LRRC40: variants seen among roughly 807,000 people sequenced by gnomAD.
LRRC40 encodes leucine-rich repeat-containing protein 40.
LRRC40 carries 76 observed loss-of-function variants against 72.8 expected under a neutral mutation model. That is an observed-to-expected ratio of 1.04 (90% CI 0.87 to 1.26). LRRC40 has a LOEUF of 1.26. LRRC40 is among the 50% of genes most tolerant of loss of function. The pLI is 0.00. For missense variants in LRRC40, 684 were observed against 698.9 expected (o/e 0.98, Z 0.24); for synonymous variants, 243 against 254.2 (o/e 0.96, Z 0.42).
chr1:70,173,960 T>G (rs777754946), intron 7 of LRRC40, among the ~76,000 whole-genome samples: 2 of 152,128 alleles, frequency 1.3e-5, no homozygotes, highest in East Asian at 3.9e-4. Context: ...TTTGTTAAAT[T>G]ATAACATTTG....
intron 4 of LRRC40, among the ~76,000 whole-genome samples, chr1:70,182,411 A>G (rs1271354188): frequency 6.6e-6 from 1 of 152,066 alleles, no homozygotes; most frequent in African/African-American, 2.4e-5. Flanking sequence ...TCCTGTGGTT[A>G]TATCAATATT....
chr1:70,185,070 A>C (rs1273239763), intron 3 of LRRC40, among the ~76,000 whole-genome samples, 156 bp from the exon 4 acceptor site: 1 of 152,242 alleles, frequency 6.6e-6, no homozygotes, highest in Non-Finnish European at 1.5e-5. Context: ...AAAAATATGT[A>C]CTCATTAAAA....
intron 1 of LRRC40, among the ~76,000 whole-genome samples, chr1:70,204,126 C>T (rs752157770): frequency 6.6e-6 from 1 of 152,170 alleles, no homozygotes; most frequent in Non-Finnish European, 1.5e-5. Flanking sequence ...GACGAAACCA[C>T]CTGAGTCTAG....
chr1:70,165,152 C>G (rs1667854821), intron 9 of LRRC40, among the ~76,000 whole-genome samples: 1 of 152,106 alleles, frequency 6.6e-6, no homozygotes. Context: ...GATTTAAGTA[C>G]TCTAGAAAAA....
chr1:70,152,255 T>C (rs757738879), intron 12 of LRRC40, among the ~76,000 whole-genome samples, 178 bp downstream of exon 12: 5 of 152,186 alleles, frequency 3.3e-5, no homozygotes, highest in Non-Finnish European at 7.4e-5. Context: ...GTATTTTTCC[T>C]GAATTCTGTC....
At chr1:70,183,122 A>G (rs1668281665) in intron 4 of LRRC40, among the ~76,000 whole-genome samples, 1 of 152,176 alleles carries the variant, frequency 6.6e-6, no homozygotes, top group East Asian at 1.9e-4. Flanking sequence ...GGAATGGTTG[A>G]GAAGAGTATA....
chr1:70,189,542 A>G (rs577317081), intron 1 of LRRC40, among the ~76,000 whole-genome samples: 1 of 152,334 alleles, frequency 6.6e-6, no homozygotes, highest in East Asian at 1.9e-4. Flanking sequence ...GTTTACATAC[A>G]CTGATTAGCA....
Position 70,145,629 on chromosome 1 carries a change from T to C in LRRC40, c.*171A>G, listed in dbSNP as rs1042721254. On this transcript the variant is annotated 3_prime_UTR_variant, in exon 15 of 15. Coordinates refer to ENST00000370952, the MANE Select transcript of LRRC40 (RefSeq NM_017768.5). ...TAAATAAAAATGTAAAAATATTTAC[T>C]GGCAGTGAATATGGCCCAGGCTAAT... is the stretch of plus-strand genomic sequence containing the variant. 1.4e-5 allele frequency: 6 copies of C among 425,192 alleles called. No individual in the cohort carries two copies. In the East Asian group the frequency reaches 2.1e-4, roughly 15 times the overall value. The allele number at this position is 425,192 out of a possible 1,614,324, so 26.3% of individuals were successfully genotyped here.
At chr1:70,190,352 C>A (rs1668465442) in intron 1 of LRRC40, among the ~76,000 whole-genome samples, 1 of 152,034 alleles carries the variant, frequency 6.6e-6, no homozygotes, top group South Asian at 2.1e-4. Flanking sequence ...GAAGCAAAGC[C>A]AAGCCCCTGA....
At chr1:70,159,900 C>G (rs1006175644) in intron 9 of LRRC40, among the ~76,000 whole-genome samples, 1 of 152,134 alleles carries the variant, frequency 6.6e-6, no homozygotes, top group African/African-American at 2.4e-5. Flanking sequence ...ATTTGACAAT[C>G]TGCATAACTG....
chr1:70,172,022 A>C (rs999733146), intron 9 of LRRC40, among the ~76,000 whole-genome samples: 2 of 152,168 alleles, frequency 1.3e-5, no homozygotes, highest in African/African-American at 4.8e-5. Context: ...CTATGTTGAA[A>C]TCTAACCACC....
intron 1 of LRRC40, among the ~76,000 whole-genome samples, chr1:70,194,801 G>A (rs1668573696): frequency 6.6e-6 from 1 of 152,140 alleles, no homozygotes; most frequent in Non-Finnish European, 1.5e-5. Context: ...AGGCTTTATA[G>A]TATTTGATTC....
At chr1:70,193,730 T>C (rs188962753) in intron 1 of LRRC40, among the ~76,000 whole-genome samples, 1 of 152,162 alleles carries the variant, frequency 6.6e-6, no homozygotes, top group Admixed American at 6.5e-5. Flanking sequence ...ATTTTGCAAC[T>C]CTATATAAAA....
At chr1:70,180,974 C>T in intron 5 of LRRC40, 112 bp downstream of exon 5, 1 of 715,688 alleles carries the variant, frequency 1.4e-6, no homozygotes, top group Non-Finnish European at 2.1e-6. Flanking sequence ...TTGCATTTAC[C>T]ACTATAAAAA....
At chr1:70,185,470 T>C (rs562671493) in intron 3 of LRRC40, among the ~76,000 whole-genome samples, 2 of 152,316 alleles carry the variant, frequency 1.3e-5, no homozygotes, top group Admixed American at 6.5e-5. Context: ...GCTGCTGCCA[T>C]GTAAGAAGTG....
chr1:70,155,822 C>T lies in LRRC40; in HGVS notation c.1221-26G>A, dbSNP rs372388621. 1.3e-3 allele frequency: 1,499 copies of T among 1,149,662 alleles called. 2 individuals are homozygous for T. The highest frequency in any genetic ancestry group is 1.7e-3 in the Non-Finnish European group (1,320 of 791,868). The allele number at this position is 1,149,662 out of a possible 1,614,324, so 71.2% of individuals were successfully genotyped here. On this transcript the variant is annotated intron_variant, in intron 10 of 14. Coordinates refer to ENST00000370952, the MANE Select transcript of LRRC40 (RefSeq NM_017768.5). ...CTAAATGAAAAATGGTTTTAAAAAA[C>T]GAACCATTCTTAGCAGTCCAAAAAG...
intron 9 of LRRC40, among the ~76,000 whole-genome samples, chr1:70,163,703 GTCAT>G (rs1667815267): frequency 6.6e-6 from 1 of 152,178 alleles, no homozygotes; most frequent in Non-Finnish European, 1.5e-5. Context: ...TCATTGAAGG[GTCAT>G]TATTATGTCT....
At chr1:70,183,390 C>A (rs1571478090) in intron 4 of LRRC40, among the ~76,000 whole-genome samples, 1 of 151,642 alleles carries the variant, frequency 6.6e-6, no homozygotes. Context: ...GAATCTTATT[C>A]CTTTGGTGGT....
chr1:70,159,006 T>C (rs1171511779), intron 10 of LRRC40, among the ~76,000 whole-genome samples: 3 of 152,172 alleles, frequency 2.0e-5, no homozygotes, highest in Admixed American at 6.5e-5. Flanking sequence ...TTAATATCCT[T>C]CTATTTTTAT....
Sources: gnomAD v4.1 joint callset for allele counts (sites outside exome capture counted in the v4.1 genomes callset) on GRCh38, gnomAD v4.1.1 for gene constraint, MANE v1.5 for transcripts, NCBI Gene and HGNC (gene_info 2026-07-23, HGNC 2026-07-21) for gene names.